The following PAQR3 variants were observed in gnomAD, a reference collection of about 807,000 sequenced individuals.
The protein encoded by PAQR3 is Raf kinase trapping to Golgi.
Under a neutral mutation model 41.7 loss-of-function variants are expected in PAQR3, and 39 were observed. The ratio of observed to expected loss-of-function variants is 0.93; its 90% confidence interval spans 0.72 to 1.22. PAQR3 has a LOEUF of 1.22. Among genes scored for constraint, PAQR3 ranks in the 50% most tolerant of loss-of-function variants. The pLI is 0.00. For synonymous variants in PAQR3, 140 were observed against 140.6 expected (o/e 1.00, Z 0.03); for missense variants, 366 against 385.6 (o/e 0.95, Z 0.42).
rs1735530218 is a variant in PAQR3, at chr4:78,920,362, T to C, written c.*177A>G. On this transcript the variant is annotated 3_prime_UTR_variant, in exon 6 of 6. Coordinates refer to ENST00000512733, the MANE Select transcript of PAQR3 (RefSeq NM_001040202.2). ...AGCAAATTAGTAGTTTTAAGGATTTTGTAAAGCAGTTATTACTACAGATCC... is the reference window on the plus strand; with the variant it reads ...AGCAAATTAGTAGTTTTAAGGATTTCGTAAAGCAGTTATTACTACAGATCC... 6 of 1,231,722 alleles carry C rather than the reference T, an allele frequency of 4.9e-6. No homozygotes were observed. Among genetic ancestry groups the C allele is most frequent in the Non-Finnish European group, 6.1e-6 (6 of 986,136 alleles). 76.3% of individuals were successfully genotyped at this position (1,231,722 alleles called of 1,614,324 possible). A position where few individuals can be genotyped will look rare whatever the true frequency, so the allele number is the denominator to read the frequency against.
rs1476923213 is a variant in PAQR3, at chr4:78,913,141, G to A, written c.*7398C>T. 1.3e-5 allele frequency: 2 copies of A among 152,062 alleles called. No homozygotes were observed. Among genetic ancestry groups the A allele is most frequent in the Non-Finnish European group, 2.9e-5 (2 of 67,992 alleles). The allele number at this position is 152,062 out of a possible 1,614,324, so 9.4% of individuals were successfully genotyped here. A position where few individuals can be genotyped will look rare whatever the true frequency, so the allele number is the denominator to read the frequency against. On this transcript the variant is annotated 3_prime_UTR_variant, in exon 6 of 6. Coordinates refer to ENST00000512733, the MANE Select transcript of PAQR3 (RefSeq NM_001040202.2). ...ACAATTATTTTTATTAGGTTTTGGG[G>A]GGTGGAGTAGTTTTAATAAAGTGCA...
Position 78,918,954 on chromosome 4 carries a change from A to G in PAQR3, c.*1585T>C, listed in dbSNP as rs1735377153. On this transcript the variant is annotated 3_prime_UTR_variant, in exon 6 of 6. Coordinates refer to ENST00000512733, the MANE Select transcript of PAQR3 (RefSeq NM_001040202.2). The stretch of plus-strand genomic sequence containing the variant: ...AAATTTTAACCTTATAAGGTAAAAC[A>G]GCCATTTTCAAAGCAGCCTTCCATC... The G allele has an allele frequency of 1.0e-6, 1 of 985,004 alleles. No individual in the cohort carries two copies. The highest frequency in any genetic ancestry group is 1.7e-5 in the African/African-American group (1 of 57,194). The allele number at this position is 985,004 out of a possible 1,614,324, so 61.0% of individuals were successfully genotyped here.
downstream of PAQR3, chr4:78,911,845 C>T (rs1249995208): frequency 6.2e-7 from 1 of 1,613,972 alleles, no homozygotes; most frequent in Admixed American, 1.7e-5. Flanking sequence ...TACTGTCCTG[C>T]CAGGGCGGCC....
chr4:78,917,705 G>T lies in PAQR3; in HGVS notation c.*2834C>A. ...CAAAGCAACCAGCAGGAATTCACAG[G>T]AATAGGCTTTGCCCCTTGACATTTA... On this transcript the variant is annotated 3_prime_UTR_variant, in exon 6 of 6. Transcript: ENST00000512733. The T allele has an allele frequency of 1.5e-6, 1 of 651,928 alleles. No homozygotes were observed. Among genetic ancestry groups the T allele is most frequent in the Non-Finnish European group, 1.9e-6 (1 of 525,996 alleles). 40.4% of individuals were successfully genotyped at this position (651,928 alleles called of 1,614,324 possible).
At chr4:78,910,864 AATG>A (rs749851927), downstream of PAQR3, 15 of 1,613,882 alleles carry the variant, frequency 9.3e-6, no homozygotes, top group African/African-American at 1.3e-5. Flanking sequence ...AGGAGATTTT[AATG>A]ATGATGATAC....
intron 11 of PAQR3, among the ~76,000 whole-genome samples, chr4:78,900,355 CTG>C (rs1333644445): frequency 6.6e-6 from 1 of 152,130 alleles, no homozygotes; most frequent in Non-Finnish European, 1.5e-5. Flanking sequence ...GGATTTTTGA[CTG>C]TGTCGGAGGT....
At chr4:78,887,278 C>T (rs747259193) in exon 13 of PAQR3, 1 of 1,601,746 alleles carries the variant, frequency 6.2e-7, no homozygotes, top group South Asian at 1.1e-5. Flanking sequence ...TTTCATTTCT[C>T]ATTCAGGCAA....
chr4:78,928,469 C>T (rs3937772), intron 3 of PAQR3, among the ~76,000 whole-genome samples: 105,661 of 152,202 alleles, frequency 0.69, 38,181 homozygotes, highest in Non-Finnish European at 0.8. Flanking sequence ...AATGTTCTTA[C>T]GTATTCAAAT....
At chr4:78,895,453 T>C (rs1436277776) in intron 11 of PAQR3, among the ~76,000 whole-genome samples, 1 of 152,176 alleles carries the variant, frequency 6.6e-6, no homozygotes, top group Non-Finnish European at 1.5e-5. Flanking sequence ...TGATTAAAGG[T>C]TGAAATCCCA....
intron 11 of PAQR3, among the ~76,000 whole-genome samples, chr4:78,889,952 A>T (rs971020763): frequency 1.3e-5 from 2 of 152,202 alleles, no homozygotes; most frequent in African/African-American, 4.8e-5. Context: ...CACTGTCCTG[A>T]ATCTAGTGTT....
chr4:78,924,776 G>A (rs1249283624), intron 4 of PAQR3, among the ~76,000 whole-genome samples: 1 of 151,448 alleles, frequency 6.6e-6, no homozygotes, highest in African/African-American at 2.4e-5. Flanking sequence ...AACTACTTAG[G>A]AGGCTGAGGT....
intron 1 of PAQR3, among the ~76,000 whole-genome samples, chr4:78,937,078 A>C (rs973862675): frequency 5.9e-5 from 9 of 152,192 alleles, no homozygotes; most frequent in Admixed American, 2.6e-4. Flanking sequence ...GAATGACCCT[A>C]TATGAAAAAC....
Position 78,923,964 on chromosome 4 carries a change from G to A in PAQR3, c.703-17C>T. 6.4e-7 allele frequency: 1 copy of A among 1,565,224 alleles called. No individual in the cohort carries two copies. Among genetic ancestry groups the A allele is most frequent in the Non-Finnish European group, 8.8e-7 (1 of 1,136,328 alleles). On this transcript the variant is annotated splice_polypyrimidine_tract_variant and intron_variant, in intron 4 of 5. Coordinates refer to ENST00000512733, the MANE Select transcript of PAQR3 (RefSeq NM_001040202.2). ...TGCAAAGTCCTGAAAAGCAGAACAT[G>A]TTTTTTTACAGATCTTCCTACTGTT... is the stretch of plus-strand genomic sequence containing the variant.
intron 5 of PAQR3, chr4:78,922,065 C>G: frequency 9.7e-7 from 1 of 1,032,848 alleles, no homozygotes; most frequent in Non-Finnish European, 1.2e-6. Context: ...GTTTAGTGTT[C>G]TACTTGTCTT....
chr4:78,926,762 A>T, intron 3 of PAQR3, 44 bp from the exon 4 acceptor site: 1 of 1,559,924 alleles, frequency 6.4e-7, no homozygotes, highest in Non-Finnish European at 8.8e-7. Context: ...TATTAACAAT[A>T]AAGGAACTGA....
intron 5 of PAQR3, chr4:78,922,960 T>A (rs1296641239): frequency 4.4e-6 from 2 of 456,090 alleles, no homozygotes; most frequent in African/African-American, 2.0e-5. Context: ...GTCCTCTTAG[T>A]TATTTTCCAT....
intron 5 of PAQR3, among the ~76,000 whole-genome samples, chr4:78,920,950 C>G (rs1203895348): frequency 6.6e-6 from 1 of 151,802 alleles, no homozygotes; most frequent in Non-Finnish European, 1.5e-5. Context: ...GGAATTTGAC[C>G]TTATGCCTCC....
rs1325231552 is a variant in PAQR3, at chr4:78,926,589, C to T, written c.634G>A (p.Gly212Arg). ...TGAAGAGTAGGAATCACTCCATATCCCGAAACAGAACAAAAGATGATAGAA... is the reference window on the plus strand; with the variant it reads ...TGAAGAGTAGGAATCACTCCATATCTCGAAACAGAACAAAAGATGATAGAA... ...LRSIIFCSVSGYGVIPTLHWV... is the reference protein window; with the variant it reads ...LRSIIFCSVSRYGVIPTLHWV... The change falls in exon 4 of 6, where the codon GGA becomes AGA. Residue 212 changes from glycine to arginine, a missense_variant. Physicochemically the swap from Gly to Arg is moderately radical, Grantham distance 125 (BLOSUM62 -2). Coordinates refer to ENST00000512733, the MANE Select transcript of PAQR3 (RefSeq NM_001040202.2). 1.2e-6 allele frequency: 2 copies of T among 1,613,980 alleles called. No individual in the cohort carries two copies. The highest frequency in any genetic ancestry group is 1.7e-6 in the Non-Finnish European group (2 of 1,179,914).
Position 78,912,737 on chromosome 4 carries a change from AATAT to A in PAQR3, c.*7798_*7801del, listed in dbSNP as rs774310675. The A allele has an allele frequency of 3.3e-5, 5 of 152,202 alleles. No homozygotes were observed. Among genetic ancestry groups the A allele is most frequent in the African/African-American group, 1.2e-4 (5 of 41,458 alleles). The allele number at this position is 152,202 out of a possible 1,614,324, so 9.4% of individuals were successfully genotyped here. A position where few individuals can be genotyped will look rare whatever the true frequency, so the allele number is the denominator to read the frequency against. ...TTCCAAAACAATGTTATACATGATA[AATAT>A]ATATAATTTTTGTCAGTTAAAACAA... On this transcript the variant is annotated 3_prime_UTR_variant, in exon 6 of 6. Coordinates refer to ENST00000512733, the MANE Select transcript of PAQR3 (RefSeq NM_001040202.2).
Sources: gnomAD v4.1 joint callset for allele counts (sites outside exome capture counted in the v4.1 genomes callset) on GRCh38, gnomAD v4.1.1 for gene constraint, MANE v1.5 for transcripts, NCBI Gene and HGNC (gene_info 2026-07-23, HGNC 2026-07-21) for gene names.